Variants in HLA-DRB5 observed in about 807,000 individuals in gnomAD.
The protein encoded by HLA-DRB5 is DR beta-5.
Under a neutral mutation model 22.4 loss-of-function variants are expected in HLA-DRB5, and 11 were observed. The ratio of observed to expected loss-of-function variants is 0.49; its 90% confidence interval spans 0.31 to 0.81. HLA-DRB5 has a LOEUF of 0.81. Ranked by LOEUF, HLA-DRB5 falls within the 40% of genes least tolerant of loss-of-function variation. HLA-DRB5 has a pLI of 0.05. For synonymous variants in HLA-DRB5, 57 were observed against 106.0 expected (o/e 0.54, Z 2.84); for missense variants, 106 against 274.4 (o/e 0.39, Z 4.34).
chr6:32,524,601 T>TGCGGAAA (rs1769368147), intron 1 of HLA-DRB5, among the ~76,000 whole-genome samples: 1 of 90,738 alleles, frequency 1.1e-5, no homozygotes, highest in Non-Finnish European at 2.3e-5. Context: ...TGTAGAGACC[T>TGCGGAAA]TCACAAAGCT....
intron 1 of HLA-DRB5, among the ~76,000 whole-genome samples, chr6:32,522,711 A>G (rs116601763): frequency 4.5e-5 from 3 of 66,400 alleles, no homozygotes; most frequent in Non-Finnish European, 9.0e-5. Flanking sequence ...CCAAAAACCA[A>G]ACACACAAGA....
intron 2 of HLA-DRB5, among the ~76,000 whole-genome samples, chr6:32,520,180 A>G (rs72508436): frequency 0.015 from 637 of 43,360 alleles, 28 homozygotes; most frequent in Middle Eastern, 0.037. Flanking sequence ...CCACTGTGAG[A>G]GGGCTCATCA....
intron 1 of HLA-DRB5, among the ~76,000 whole-genome samples, chr6:32,528,959 T>C (rs1769972795): frequency 6.9e-6 from 1 of 145,392 alleles, no homozygotes; most frequent in Non-Finnish European, 1.5e-5. Context: ...AAAAAAATTA[T>C]CTCTTTCAAT....
Position 32,522,327 on chromosome 6 carries a change from A to C in HLA-DRB5, c.101-153T>G, listed in dbSNP as rs189288640. Among the ~76,000 whole-genome samples, 94 of 33,184 alleles carry C rather than the reference A, an allele frequency of 2.8e-3. 32 individuals are homozygous for C. The highest frequency in any genetic ancestry group is 9.0e-3 in the African/African-American group (79 of 8,800). 21.8% of individuals were successfully genotyped at this position (33,184 alleles called of 152,430 possible). A position where few individuals can be genotyped will look rare whatever the true frequency, so the allele number is the denominator to read the frequency against. On this transcript the variant is annotated intron_variant, in intron 1 of 5. Transcript: ENST00000374975. The stretch of plus-strand genomic sequence containing the variant: ...CCGACCACGCGCAGCCCAGAGGCTC[A>C]TCCTCCGTCTTCCTGAGGCGAACGG...
chr6:32,527,546 T>C lies in HLA-DRB5; in HGVS notation c.100+2579A>G, dbSNP rs112062959. On this transcript the variant is annotated intron_variant, in intron 1 of 5. Transcript: ENST00000374975. ...TAAAAAAAAAGAATATAAATTGACT[T>C]TCCTTGTAACCATCCAGTAGCTTCC... Among the ~76,000 whole-genome samples the C allele has an allele frequency of 2.0e-4, 5 of 25,198 alleles. 1 individual carries two copies. The highest frequency in any genetic ancestry group is 9.4e-4 in the South Asian group (1 of 1,064). The allele number at this position is 25,198 out of a possible 152,430, so 16.5% of individuals were successfully genotyped here.
At chr6:32,523,362 A>G (rs116787876) in intron 1 of HLA-DRB5, among the ~76,000 whole-genome samples, 3 of 40,052 alleles carry the variant, frequency 7.5e-5, no homozygotes, top group African/African-American at 1.9e-4. Flanking sequence ...GTGTAAATAT[A>G]CACATATGTA....
chr6:32,523,451 C>T lies in HLA-DRB5; in HGVS notation c.101-1277G>A, dbSNP rs1769206524. Among the ~76,000 whole-genome samples the T allele has an allele frequency of 1.6e-4, 8 of 50,694 alleles. 4 individuals are homozygous for T. The South Asian group carries it at 3.0e-3, about 19-fold the overall frequency. The allele number at this position is 50,694 out of a possible 152,430, so 33.3% of individuals were successfully genotyped here. On this transcript the variant is annotated intron_variant, in intron 1 of 5. Coordinates refer to ENST00000374975, the MANE Select transcript of HLA-DRB5 (RefSeq NM_002125.4). ...ATGACAAAAATAACTGAAAAATAAT[C>T]CTCTGGTTAAAAGTGAAATGAATAA...
chr6:32,526,276 G>A (rs140490584), intron 1 of HLA-DRB5, among the ~76,000 whole-genome samples: 59 of 35,922 alleles, frequency 1.6e-3, no homozygotes, highest in Admixed American at 3.3e-3. Flanking sequence ...ACCACAATTG[G>A]CCTCTCCCTT....
At chr6:32,525,683 T>A (rs115791752) in intron 1 of HLA-DRB5, among the ~76,000 whole-genome samples, 1 of 80,048 alleles carries the variant, frequency 1.2e-5, no homozygotes, top group East Asian at 3.1e-4. Context: ...CTTATAACCT[T>A]TCAATTTTAG....
In HLA-DRB5 at chr6:32,527,359, C is replaced by T. The variant is rs1769733225; in HGVS notation, c.100+2766G>A. Among the ~76,000 whole-genome samples, 3 of 37,440 alleles carry T rather than the reference C, an allele frequency of 8.0e-5. 1 individual carries two copies. The highest frequency in any genetic ancestry group is 1.6e-4 in the Non-Finnish European group (3 of 18,546). 24.6% of individuals were successfully genotyped at this position (37,440 alleles called of 152,430 possible). A position where few individuals can be genotyped will look rare whatever the true frequency, so the allele number is the denominator to read the frequency against. ...ACTAAAAATACCAAAATTAGCTGGG[C>T]GTGGTGGTGCACTCCTGTAATCCCA... On this transcript the variant is annotated intron_variant, in intron 1 of 5. Transcript: ENST00000374975.
At chr6:32,519,168 C>T (rs114823279) in intron 3 of HLA-DRB5, among the ~76,000 whole-genome samples, 30,098 of 69,390 alleles carry the variant, frequency 0.43, 5,891 homozygotes, top group Admixed American at 0.5. Flanking sequence ...CCTCTCCTTC[C>T]TGCCAGGAAT....
intron 1 of HLA-DRB5, among the ~76,000 whole-genome samples, chr6:32,528,129 C>T (rs115102905): frequency 0.1 from 3,969 of 37,942 alleles, 68 homozygotes; most frequent in Middle Eastern, 0.19. Context: ...TAGATCTTCA[C>T]GACTGTCTAC....
At chr6:32,525,636 C>CAA (rs1769515582) in intron 1 of HLA-DRB5, among the ~76,000 whole-genome samples, 4 of 87,690 alleles carry the variant, frequency 4.6e-5, no homozygotes, top group Non-Finnish European at 4.6e-5. Context: ...AAACTGCAAT[C>CAA]TGATTTCTAG....
chr6:32,518,841 T>G (rs113251427), intron 3 of HLA-DRB5, among the ~76,000 whole-genome samples, 175 bp from the exon 4 acceptor site: 22,827 of 51,762 alleles, frequency 0.44, 8,085 homozygotes, highest in Middle Eastern at 0.64. Flanking sequence ...CAGTTACAAG[T>G]TTCAGGGATC....
chr6:32,521,299 AG>A (rs1468775659), intron 2 of HLA-DRB5, among the ~76,000 whole-genome samples: 524 of 12,314 alleles, frequency 0.043, no homozygotes, highest in Middle Eastern at 0.1. Flanking sequence ...GAAAACAAAC[AG>A]AAAAAATAGC....
Position 32,523,564 on chromosome 6 carries a change from T to G in HLA-DRB5, c.101-1390A>C, listed in dbSNP as rs147335873. On this transcript the variant is annotated intron_variant, in intron 1 of 5. Transcript: ENST00000374975. ...GTTAGTGAAAAATAATTGCAGAGCA[T>G]CACTATTTGTGACTTATAAGGGCAA... Among the ~76,000 whole-genome samples the G allele has an allele frequency of 2.7e-3, 138 of 50,470 alleles. 4 individuals are homozygous for G. Among genetic ancestry groups the G allele is most frequent in the Middle Eastern group, 0.015 (1 of 66 alleles). The allele number at this position is 50,470 out of a possible 152,430, so 33.1% of individuals were successfully genotyped here. A position where few individuals can be genotyped will look rare whatever the true frequency, so the allele number is the denominator to read the frequency against.
chr6:32,521,009 G>C (rs1768787402), intron 2 of HLA-DRB5, among the ~76,000 whole-genome samples: 1 of 40,482 alleles, frequency 2.5e-5, no homozygotes, highest in Non-Finnish European at 5.0e-5. Context: ...AATTATAATT[G>C]GGCAATAAAT....
In HLA-DRB5 at chr6:32,521,938, C is replaced by T; in HGVS notation, c.337G>A (p.Gly113Arg). 1.9e-6 allele frequency: 3 copies of T among 1,552,168 alleles called. No homozygotes were observed. Among genetic ancestry groups the T allele is most frequent in the South Asian group, 1.1e-5 (1 of 89,086 alleles). ...TGCACTGTGAAGCTCTCACCAACCC[C>T]GTAGTTGTGTCTGCAGTAGGTGTCC... ...AVDTYCRHNY[G>R]VGESFTVQRR... The change falls in exon 2 of 6, where the codon GGG becomes AGG. Residue 113 changes from glycine to arginine, a missense_variant. Transcript: ENST00000374975.
chr6:32,522,876 G>A (rs181159261), intron 1 of HLA-DRB5, among the ~76,000 whole-genome samples: 604 of 28,674 alleles, frequency 0.021, 98 homozygotes, highest in Non-Finnish European at 0.024. Flanking sequence ...ACCAGGGGGC[G>A]GAGTGGAGAC....
Sources: gnomAD v4.1 joint callset for allele counts (sites outside exome capture counted in the v4.1 genomes callset) on GRCh38, gnomAD v4.1.1 for gene constraint, MANE v1.5 for transcripts, NCBI Gene and HGNC (gene_info 2026-07-23, HGNC 2026-07-21) for gene names.